Variants in KPNA6 observed in about 807,000 individuals in gnomAD.
KPNA6 encodes the protein karyopherin subunit alpha 6.
In KPNA6, 9 loss-of-function variants were observed where a neutral mutation model predicts 72.0. The observed-to-expected ratio is 0.13, with a 90% CI of 0.08 to 0.22. The LOEUF is 0.22. Ranked by LOEUF, KPNA6 falls within the 10% of genes least tolerant of loss-of-function variation. The pLI, the probability that KPNA6 is intolerant of heterozygous loss-of-function variation, is 1.00. For missense variants in KPNA6, 374 were observed against 655.7 expected (o/e 0.57, Z 4.69); for synonymous variants, 219 against 242.1 (o/e 0.90, Z 0.89).
chr1:32,170,841 C>A lies in KPNA6; in HGVS notation c.1558C>A (p.Gln520Lys), dbSNP rs759093362. The A allele has an allele frequency of 6.2e-7, 1 of 1,614,114 alleles. No individual in the cohort carries two copies. Among genetic ancestry groups the A allele is most frequent in the Non-Finnish European group, 8.5e-7 (1 of 1,180,040 alleles). The change falls in exon 14 of 14, where the codon CAG becomes AAG. Residue 520 changes from glutamine to lysine, a missense_variant. Coordinates refer to ENST00000373625, the MANE Select transcript of KPNA6 (RefSeq NM_012316.5). ...GGCTCCCCAAGTCGATGAAACGCAA[C>A]AGCAGTTCATCTTCCAGCAGCCTGA... ...SLAPQVDETQQQFIFQQPEAP... is the reference protein window; with the variant it reads ...SLAPQVDETQKQFIFQQPEAP...
chr1:32,168,310 C>T (rs1219587058), intron 12 of KPNA6, among the ~76,000 whole-genome samples: 4 of 152,196 alleles, frequency 2.6e-5, no homozygotes, highest in Non-Finnish European at 5.9e-5. Context: ...CTGCTTTAGC[C>T]TCCTGAGTAG....
At chr1:32,122,334 A>C (rs909722768) in intron 1 of KPNA6, among the ~76,000 whole-genome samples, 1 of 151,960 alleles carries the variant, frequency 6.6e-6, no homozygotes, top group African/African-American at 2.4e-5. Flanking sequence ...TATTTCAAAA[A>C]TAAGGAAGTG....
chr1:32,156,500 C>T (rs1642145962), intron 2 of KPNA6, among the ~76,000 whole-genome samples: 1 of 152,140 alleles, frequency 6.6e-6, no homozygotes, highest in African/African-American at 2.4e-5. Context: ...GACTAACTGG[C>T]AGCAGCGTAT....
intron 7 of KPNA6, 90 bp from the exon 8 acceptor site, chr1:32,161,857 A>C (rs891883945): frequency 2.2e-6 from 2 of 896,418 alleles, no homozygotes; most frequent in African/African-American, 3.3e-5. Flanking sequence ...AGAGTCTGAG[A>C]GGTCTCATTG....
intron 9 of KPNA6, among the ~76,000 whole-genome samples, 198 bp downstream of exon 9, chr1:32,162,722 C>G (rs1424135526): frequency 6.6e-6 from 1 of 152,004 alleles, no homozygotes; most frequent in Non-Finnish European, 1.5e-5. Flanking sequence ...GTAATCCCAG[C>G]TACTTGGGAG....
chr1:32,152,882 C>A (rs533898793), intron 1 of KPNA6, among the ~76,000 whole-genome samples: 2 of 148,528 alleles, frequency 1.3e-5, no homozygotes, highest in Admixed American at 1.3e-4. Context: ...ATTAGCCCTG[C>A]GTGCACACCT....
At chr1:32,123,853 G>A (rs1354064016) in intron 1 of KPNA6, among the ~76,000 whole-genome samples, 4 of 151,446 alleles carry the variant, frequency 2.6e-5, no homozygotes, top group Non-Finnish European at 5.9e-5. Context: ...GGCCAACATG[G>A]TGAAACCCCA....
intron 1 of KPNA6, among the ~76,000 whole-genome samples, chr1:32,153,571 CAAAAAAA>C (rs554895996): frequency 6.6e-5 from 4 of 60,476 alleles, no homozygotes; most frequent in East Asian, 7.2e-4. Flanking sequence ...AACTCTGTCT[CAAAAAAA>C]AAAAAAAAAA....
At chr1:32,142,986 A>T in intron 1 of KPNA6, 1 of 1,289,854 alleles carries the variant, frequency 7.8e-7, no homozygotes, top group East Asian at 5.5e-5. Context: ...GCTAGCGTCC[A>T]GGACAGCCCA....
At chr1:32,162,187 C>A in intron 8 of KPNA6, 141 bp downstream of exon 8, 2 of 909,328 alleles carry the variant, frequency 2.2e-6, no homozygotes, top group South Asian at 1.5e-5. Flanking sequence ...ATCTTGTGTA[C>A]CTGGATAGTA....
At chr1:32,124,389 AT>A (rs1376807637) in intron 1 of KPNA6, among the ~76,000 whole-genome samples, 3 of 151,312 alleles carry the variant, frequency 2.0e-5, no homozygotes, top group African/African-American at 7.3e-5. Context: ...AAAAAAATCT[AT>A]TTGGGCTGGA....
intron 1 of KPNA6, among the ~76,000 whole-genome samples, chr1:32,110,056 A>ATTTTTT (rs750004100): frequency 5.9e-5 from 7 of 118,304 alleles, no homozygotes; most frequent in African/African-American, 1.6e-4. Flanking sequence ...CTGGAATTGA[A>ATTTTTT]TTTTTTTTTT....
chr1:32,168,128 A>G (rs1642372247), intron 12 of KPNA6, among the ~76,000 whole-genome samples: 1 of 152,218 alleles, frequency 6.6e-6, no homozygotes, highest in Non-Finnish European at 1.5e-5. Flanking sequence ...TGATTGTGCC[A>G]CTACACTCCA....
At chr1:32,169,065 G>A (rs1030400287) in intron 12 of KPNA6, among the ~76,000 whole-genome samples, 5 of 152,058 alleles carry the variant, frequency 3.3e-5, no homozygotes, top group Non-Finnish European at 7.4e-5. Flanking sequence ...ATAGAGAAAG[G>A]ATAAGCGGTT....
Position 32,109,812 on chromosome 1 carries a change from TTTTTTTTGTA to T in KPNA6, c.4+1694_4+1703del, listed in dbSNP as rs1468440899. Among the ~76,000 whole-genome samples, 3 of 151,022 alleles carry T rather than the reference TTTTTTTTGTA, an allele frequency of 2.0e-5. No homozygotes were observed. In the South Asian group the frequency reaches 6.3e-4, roughly 32 times the overall value. Reference sequence around the variant, plus strand: ...GGTGCCCGCCACCACGCCTGGATAATTTTTTTTGTATTTTTTTGTATTTTTAGTGGAGACG... The same window carrying T: ...GGTGCCCGCCACCACGCCTGGATAATTTTTTTTGTATTTTTAGTGGAGACG... On this transcript the variant is annotated intron_variant, in intron 1 of 13. Transcript: ENST00000373625.
intron 2 of KPNA6, among the ~76,000 whole-genome samples, chr1:32,155,695 T>G (rs1052483438): frequency 1.5e-4 from 23 of 150,620 alleles, no homozygotes; most frequent in African/African-American, 5.4e-4. Context: ...TTCAGTCACC[T>G]GATTATTATT....
chr1:32,152,336 A>G (rs1467185617), intron 1 of KPNA6, among the ~76,000 whole-genome samples: 1 of 152,136 alleles, frequency 6.6e-6, no homozygotes, highest in Non-Finnish European at 1.5e-5. Context: ...TCAAAAAATA[A>G]TGAATAAATA....
intron 1 of KPNA6, among the ~76,000 whole-genome samples, chr1:32,136,144 G>A (rs925422647): frequency 1.3e-5 from 2 of 150,338 alleles, no homozygotes; most frequent in African/African-American, 2.5e-5. Flanking sequence ...ACATTAAACA[G>A]TTGGCTGTAT....
At chr1:32,156,507 G>A (rs770023128) in intron 2 of KPNA6, among the ~76,000 whole-genome samples, 1 of 152,136 alleles carries the variant, frequency 6.6e-6, no homozygotes, top group African/African-American at 2.4e-5. Context: ...TGGCAGCAGC[G>A]TATACAGCAT....
Sources: allele counts gnomAD v4.1 joint callset (sites outside exome capture counted in the v4.1 genomes callset), GRCh38; gene constraint gnomAD v4.1.1; transcripts MANE v1.5; gene names NCBI Gene and HGNC (gene_info 2026-07-23, HGNC 2026-07-21).